DENND1A: variants seen among roughly 807,000 people sequenced by gnomAD.
DENND1A encodes DENN domain containing 1A.
DENND1A carries 51 observed loss-of-function variants against 113.7 expected under a neutral mutation model. That is an observed-to-expected ratio of 0.45 (90% CI 0.36 to 0.57). The LOEUF is 0.57. DENND1A is among the 20% of genes least tolerant of loss of function. The pLI is 0.00. For synonymous variants in DENND1A, 565 were observed against 570.8 expected (o/e 0.99, Z 0.14); for missense variants, 1,258 against 1,395.9 (o/e 0.90, Z 1.57).
chr9:123,443,969 A>AT (rs1318205473), intron 18 of DENND1A, among the ~76,000 whole-genome samples: 1 of 151,974 alleles, frequency 6.6e-6, no homozygotes, highest in Non-Finnish European at 1.5e-5. Flanking sequence ...GAAAAAAATA[A>AT]GGTGGGGGGC....
rs1232105133 is a variant in DENND1A at position 123,763,507 on chromosome 9, T to C, written c.183-5685A>G. 3.3e-5 allele frequency among the ~76,000 whole-genome samples: 5 copies of C among 152,152 alleles called. 1 individual carries two copies. Among genetic ancestry groups the C allele is most frequent in the Non-Finnish European group, 5.9e-5 (4 of 68,028 alleles). ...AAAACATCTAAATAGAAATGTCAAG[T>C]ACAGAGTTGAATACACTAGTTAGGA... is the stretch of plus-strand genomic sequence containing the variant. On this transcript the variant is annotated intron_variant, in intron 4 of 23. Coordinates refer to ENST00000394215, the MANE Select transcript of DENND1A (RefSeq NM_001352964.2).
intron 20 of DENND1A, among the ~76,000 whole-genome samples, chr9:123,406,202 T>C (rs1395645710): frequency 2.0e-5 from 3 of 152,252 alleles, no homozygotes; most frequent in Non-Finnish European, 4.4e-5. Flanking sequence ...ACGTCTGATC[T>C]AACCAAAGTT....
At chr9:123,872,599 CTT>C (rs767671464) in intron 2 of DENND1A, among the ~76,000 whole-genome samples, 2 of 152,042 alleles carry the variant, frequency 1.3e-5, no homozygotes, top group African/African-American at 2.4e-5. Flanking sequence ...TAATTTTTCT[CTT>C]GTTCATCATT....
At chr9:123,669,682 AAAAAGGACAG>A (rs1394977634) in intron 7 of DENND1A, among the ~76,000 whole-genome samples, 1 of 152,220 alleles carries the variant, frequency 6.6e-6, no homozygotes, top group Non-Finnish European at 1.5e-5. Context: ...GCTGCTTAGG[AAAAAGGACAG>A]AGACAAAGGC....
intron 2 of DENND1A, among the ~76,000 whole-genome samples, chr9:123,823,016 A>C (rs1005894243): frequency 6.6e-6 from 1 of 152,334 alleles, no homozygotes; most frequent in Middle Eastern, 3.4e-3. Context: ...CAACTCTATG[A>C]GGCAAGTAAT....
intron 4 of DENND1A, among the ~76,000 whole-genome samples, chr9:123,760,719 G>A (rs1376827202): frequency 6.6e-6 from 1 of 152,174 alleles, no homozygotes; most frequent in Non-Finnish European, 1.5e-5. Context: ...GGGATTATAT[G>A]ATTAATTTTA....
intron 19 of DENND1A, among the ~76,000 whole-genome samples, chr9:123,428,102 G>A (rs200048926): frequency 5.3e-5 from 8 of 152,258 alleles, no homozygotes; most frequent in African/African-American, 1.4e-4. Flanking sequence ...TCAGGAGTTC[G>A]AGACCAGCCT....
intron 21 of DENND1A, among the ~76,000 whole-genome samples, chr9:123,393,251 A>G (rs1160073558): frequency 2.6e-5 from 4 of 152,206 alleles, no homozygotes; most frequent in Non-Finnish European, 5.9e-5. Flanking sequence ...CCTGCCAACA[A>G]GTAGATTCTG....
intron 21 of DENND1A, among the ~76,000 whole-genome samples, chr9:123,395,020 C>T (rs927099297): frequency 5.3e-5 from 8 of 152,122 alleles, no homozygotes; most frequent in East Asian, 3.9e-4. Context: ...GCCCAGGCTG[C>T]GAAGATTTTT....
intron 11 of DENND1A, among the ~76,000 whole-genome samples, chr9:123,597,732 C>T (rs942842977): frequency 6.6e-6 from 1 of 152,126 alleles, no homozygotes; most frequent in Non-Finnish European, 1.5e-5. Context: ...AAGAGAGGTG[C>T]TACACAAATC....
intron 11 of DENND1A, among the ~76,000 whole-genome samples, chr9:123,587,394 C>G (rs1046087104): frequency 3.3e-5 from 5 of 152,150 alleles, no homozygotes; most frequent in African/African-American, 1.2e-4. Flanking sequence ...TCAGCAGTAA[C>G]AATTGCAACA....
At chr9:123,572,855 A>G (rs1389779748) in intron 12 of DENND1A, among the ~76,000 whole-genome samples, 2 of 152,018 alleles carry the variant, frequency 1.3e-5, no homozygotes. Flanking sequence ...ATGTCCTAAG[A>G]AATTTTTGCC....
intron 9 of DENND1A, among the ~76,000 whole-genome samples, chr9:123,635,809 T>C (rs1360399252): frequency 1.3e-5 from 2 of 152,226 alleles, no homozygotes; most frequent in Non-Finnish European, 2.9e-5. Flanking sequence ...CTTGAAAGTG[T>C]TGGAAAGTCT....
At chr9:123,806,737 C>T (rs76948922) in intron 2 of DENND1A, among the ~76,000 whole-genome samples, 51 of 152,228 alleles carry the variant, frequency 3.4e-4, no homozygotes, top group African/African-American at 1.2e-3. Context: ...CAAGGATCTT[C>T]GCTTATTTTG....
chr9:123,738,443 C>CTG (rs59851560), intron 5 of DENND1A, among the ~76,000 whole-genome samples: 14,564 of 143,272 alleles, frequency 0.1, 764 homozygotes, highest in African/African-American at 0.15. Context: ...TCAACAGCTT[C>CTG]TGTGTGTGTG....
chr9:123,753,871 G>C (rs1008072066), intron 5 of DENND1A, among the ~76,000 whole-genome samples: 1 of 152,216 alleles, frequency 6.6e-6, no homozygotes, highest in Non-Finnish European at 1.5e-5. Flanking sequence ...AGGCTACTCT[G>C]CAGAGGTGCC....
chr9:123,397,443 C>T (rs995562532), intron 21 of DENND1A, among the ~76,000 whole-genome samples: 13 of 152,258 alleles, frequency 8.5e-5, no homozygotes, highest in Admixed American at 7.8e-4. Flanking sequence ...CATGAGCCAC[C>T]GTGCCCAGCC....
chr9:123,823,639 T>C (rs1252082800), intron 2 of DENND1A, among the ~76,000 whole-genome samples: 1 of 152,180 alleles, frequency 6.6e-6, no homozygotes, highest in Non-Finnish European at 1.5e-5. Flanking sequence ...CTAGCTGTTC[T>C]GTGGAGAATG....
intron 1 of DENND1A, among the ~76,000 whole-genome samples, chr9:123,898,804 A>T (rs1045817345): frequency 7.9e-5 from 12 of 152,376 alleles, no homozygotes; most frequent in African/African-American, 2.9e-4. Context: ...CTACTTAAGA[A>T]GGTAAACTTG....
Sources: allele counts gnomAD v4.1 joint callset (sites outside exome capture counted in the v4.1 genomes callset), GRCh38; gene constraint gnomAD v4.1.1; transcripts MANE v1.5; gene names NCBI Gene and HGNC (gene_info 2026-07-23, HGNC 2026-07-21).